Variants in LSAMP observed in about 807,000 individuals in gnomAD.
LSAMP encodes the protein limbic system-associated membrane protein.
LSAMP carries 7 observed loss-of-function variants against 38.6 expected under a neutral mutation model. The observed-to-expected ratio is 0.18, with a 90% CI of 0.10 to 0.34. The LOEUF (loss-of-function observed/expected upper bound fraction) is 0.34, where lower values mean the gene tolerates loss of function less well. Among genes scored for constraint, LSAMP ranks in the 10% least tolerant of loss-of-function variants. LSAMP has a pLI of 1.00. For missense variants in LSAMP, 313 were observed against 420.0 expected, an observed-to-expected ratio of 0.75 and a Z score of 2.23; for synonymous variants, 154 against 166.8, an observed-to-expected ratio of 0.92 and a Z score of 0.59.
chr3:116,185,894 CA>C (rs58376954), intron 1 of LSAMP, among the ~76,000 whole-genome samples: 32,025 of 105,846 alleles, frequency 0.3, 3,376 homozygotes, highest in African/African-American at 0.36. Flanking sequence ...GAAAAAGAAG[CA>C]AAAAAAAAAA....
chr3:116,352,816 T>G (rs571440945), intron 1 of LSAMP, among the ~76,000 whole-genome samples: 2 of 152,210 alleles, frequency 1.3e-5, no homozygotes, highest in South Asian at 4.1e-4. Flanking sequence ...TTTTTTGGGG[T>G]GTCTTGCATA....
chr3:115,812,131 G>T (rs746877894), intron 6 of LSAMP, among the ~76,000 whole-genome samples: 6 of 152,126 alleles, frequency 3.9e-5, no homozygotes, highest in Non-Finnish European at 8.8e-5. Flanking sequence ...GAGAGTTTTG[G>T]CTAGAATACC....
chr3:116,398,467 G>A (rs182089640), intron 1 of LSAMP, among the ~76,000 whole-genome samples: 14 of 152,230 alleles, frequency 9.2e-5, no homozygotes, highest in Admixed American at 3.3e-4. Flanking sequence ...TTTGAATAAC[G>A]TTGACCGATT....
chr3:116,000,848 C>T (rs1308143932), intron 3 of LSAMP, among the ~76,000 whole-genome samples: 1 of 152,188 alleles, frequency 6.6e-6, no homozygotes, highest in African/African-American at 2.4e-5. Flanking sequence ...GAGGAGTTCT[C>T]ATGTCAGCAT....
Position 116,305,581 on chromosome 3 carries a change from A to C in LSAMP, c.155+139296T>G, listed in dbSNP as rs72950125. Among the ~76,000 whole-genome samples the C allele has an allele frequency of 1.5e-3, 233 of 152,184 alleles. 1 individual carries two copies. The highest frequency in any genetic ancestry group is 5.3e-3 in the African/African-American group (222 of 41,550). ...ATACAGAAAGTATGTGCCAGCTTGC[A>C]TGAAAAAAATACAGAAAGAAAATAA... On this transcript the variant is annotated intron_variant, in intron 1 of 6. Coordinates refer to ENST00000490035, the MANE Select transcript of LSAMP (RefSeq NM_002338.5).
intron 2 of LSAMP, among the ~76,000 whole-genome samples, chr3:116,074,844 C>CTTTTTTTTTTTTTTTTTTT (rs1161460100): frequency 3.5e-4 from 45 of 128,358 alleles, no homozygotes; most frequent in African/African-American, 1.2e-3. Flanking sequence ...TTTCTTTATT[C>CTTTTTTTTTTTTTTTTTTT]TTTTTTTTTT....
intron 1 of LSAMP, among the ~76,000 whole-genome samples, chr3:116,272,385 T>C (rs866743685): frequency 3.3e-5 from 5 of 152,250 alleles, no homozygotes; most frequent in Middle Eastern, 3.4e-3. Flanking sequence ...GTTTCATTCA[T>C]TGTTTGATAG....
chr3:115,973,101 C>T (rs12486378), intron 3 of LSAMP, among the ~76,000 whole-genome samples: 40,371 of 151,778 alleles, frequency 0.27, 6,519 homozygotes, highest in African/African-American at 0.46. Context: ...AAATATGGGA[C>T]ATCACCAGAT....
intron 1 of LSAMP, among the ~76,000 whole-genome samples, chr3:116,224,711 G>A (rs2046323926): frequency 6.6e-6 from 1 of 152,126 alleles, no homozygotes; most frequent in Non-Finnish European, 1.5e-5. Context: ...CAGTCAAAAG[G>A]TACAATGGAA....
intron 3 of LSAMP, among the ~76,000 whole-genome samples, chr3:115,854,354 CTCA>C (rs1935439639): frequency 6.9e-6 from 1 of 144,818 alleles, no homozygotes; most frequent in South Asian, 2.2e-4. Flanking sequence ...ACAATCTCGG[CTCA>C]CTGCAAGCTC....
At chr3:115,899,104 T>C (rs1576198108) in intron 3 of LSAMP, among the ~76,000 whole-genome samples, 1 of 152,132 alleles carries the variant, frequency 6.6e-6, no homozygotes, top group Non-Finnish European at 1.5e-5. Context: ...TTTTAATATG[T>C]TAAACACACA....
intron 3 of LSAMP, among the ~76,000 whole-genome samples, chr3:115,986,896 A>G (rs933978400): frequency 1.3e-4 from 20 of 152,254 alleles, no homozygotes; most frequent in African/African-American, 4.6e-4. Context: ...ATCATTTTAT[A>G]TTAGGCATAT....
chr3:116,017,061 T>G (rs1940504805), intron 3 of LSAMP, among the ~76,000 whole-genome samples: 1 of 152,066 alleles, frequency 6.6e-6, no homozygotes, highest in African/African-American at 2.4e-5. Flanking sequence ...ACTTGAAACA[T>G]CATAGAAAAA....
intron 3 of LSAMP, among the ~76,000 whole-genome samples, chr3:115,896,984 C>T (rs143889092): frequency 1.3e-3 from 202 of 152,254 alleles, no homozygotes; most frequent in African/African-American, 4.7e-3. Context: ...TCTATTCCCA[C>T]TCCTTTCTTC....
chr3:116,314,337 A>C (rs906010622), intron 1 of LSAMP, among the ~76,000 whole-genome samples: 1 of 152,238 alleles, frequency 6.6e-6, no homozygotes, highest in African/African-American at 2.4e-5. Flanking sequence ...GAATCCATGT[A>C]AAATCCTTAG....
chr3:116,294,123 C>A (rs748418284), intron 1 of LSAMP, among the ~76,000 whole-genome samples: 1 of 152,084 alleles, frequency 6.6e-6, no homozygotes, highest in African/African-American at 2.4e-5. Context: ...CCCACACACA[C>A]GCCCCTACTA....
chr3:116,173,384 T>C (rs13085102), intron 1 of LSAMP, among the ~76,000 whole-genome samples: 75,918 of 151,888 alleles, frequency 0.5, 21,473 homozygotes, highest in East Asian at 0.74. Context: ...GCCAATTAAA[T>C]GGCTGAACAC....
At chr3:115,963,937 G>C (rs1035910907) in intron 3 of LSAMP, among the ~76,000 whole-genome samples, 4 of 151,982 alleles carry the variant, frequency 2.6e-5, no homozygotes, top group African/African-American at 9.7e-5. Flanking sequence ...ATTTTTTGTA[G>C]AGATAGAGTC....
chr3:115,826,528 T>C (rs1000348733), intron 6 of LSAMP, among the ~76,000 whole-genome samples: 1 of 152,178 alleles, frequency 6.6e-6, no homozygotes, highest in African/African-American at 2.4e-5. Context: ...GACTTAAAGT[T>C]TACTGTGGTT....
Sources: gnomAD v4.1 joint callset for allele counts (sites outside exome capture counted in the v4.1 genomes callset) on GRCh38, gnomAD v4.1.1 for gene constraint, MANE v1.5 for transcripts, NCBI Gene and HGNC (gene_info 2026-07-23, HGNC 2026-07-21) for gene names.